Variants in CAMTA1 observed in about 807,000 individuals in gnomAD.
CAMTA1 encodes the protein calmodulin binding transcription activator 1.
CAMTA1 carries 27 observed loss-of-function variants against 170.9 expected under a neutral mutation model. The ratio of observed to expected loss-of-function variants is 0.16; its 90% confidence interval spans 0.12 to 0.22. CAMTA1 has a LOEUF of 0.22. CAMTA1 is among the 10% of genes least tolerant of loss of function. The probability of loss-of-function intolerance (pLI) is 1.00; values close to 1 mark genes in which losing one functional copy is unlikely to be tolerated. For synonymous variants in CAMTA1, 833 were observed against 891.5 expected (o/e 0.93, Z 1.17); for missense variants, 1,619 against 2,217.2 (o/e 0.73, Z 5.42).
rs61387662 is a variant in CAMTA1 at position 7,370,914 on chromosome 1, C to CTTTTTTTTTT, written c.439-96910_439-96901dup. On this transcript the variant is annotated intron_variant, in intron 5 of 22. Coordinates refer to ENST00000303635, the MANE Select transcript of CAMTA1 (RefSeq NM_015215.4). Reference sequence around the variant, plus strand: ...TATGGCACTTTCTTTTTCTTTCTTTCTTTTTTTTTTTTTTTGAGACGGAGT... The same window carrying CTTTTTTTTTT: ...TATGGCACTTTCTTTTTCTTTCTTTCTTTTTTTTTTTTTTTTTTTTTTTTTGAGACGGAGT... Among the ~76,000 whole-genome samples the CTTTTTTTTTT allele has an allele frequency of 4.2e-3, 461 of 109,936 alleles. 9 individuals carry two copies. Among genetic ancestry groups the CTTTTTTTTTT allele is most frequent in the Middle Eastern group, 0.011 (2 of 176 alleles). The allele number at this position is 109,936 out of a possible 152,430, so 72.1% of individuals were successfully genotyped here.
intron 4 of CAMTA1, among the ~76,000 whole-genome samples, chr1:7,244,719 C>T (rs1259055328): frequency 2.0e-5 from 3 of 150,584 alleles, no homozygotes; most frequent in Middle Eastern, 3.4e-3. Flanking sequence ...GGAAGGGGAA[C>T]AGCACACACT....
chr1:6,995,295 CTTTTTTTTTT>C (rs765139922), intron 3 of CAMTA1, among the ~76,000 whole-genome samples: 6 of 60,622 alleles, frequency 9.9e-5, no homozygotes, highest in South Asian at 7.9e-4. Flanking sequence ...TTTTTCTTTT[CTTTTTTTTTT>C]TTTTTTTTTT....
chr1:7,254,664 A>AT (rs1667101664), intron 5 of CAMTA1, among the ~76,000 whole-genome samples: 1 of 120,102 alleles, frequency 8.3e-6, no homozygotes, highest in African/African-American at 5.7e-5. Flanking sequence ...GGCCACATAT[A>AT]AAAAAAAAAG....
intron 6 of CAMTA1, among the ~76,000 whole-genome samples, chr1:7,526,133 C>T (rs1475441052): frequency 2.0e-5 from 3 of 152,148 alleles, no homozygotes; most frequent in African/African-American, 7.2e-5. Flanking sequence ...GGGAAGGCTT[C>T]CCAGGGAGGA....
At chr1:7,084,166 T>C (rs912047103) in intron 3 of CAMTA1, among the ~76,000 whole-genome samples, 1 of 151,680 alleles carries the variant, frequency 6.6e-6, no homozygotes, top group Non-Finnish European at 1.5e-5. Flanking sequence ...TATAAATACA[T>C]ATATATATAT....
chr1:6,970,625 G>C lies in CAMTA1; in HGVS notation c.235-120679G>C, dbSNP rs550892754. Among the ~76,000 whole-genome samples, 1 of 152,316 alleles carries C rather than the reference G, an allele frequency of 6.6e-6. No individual in the cohort carries two copies. Among genetic ancestry groups the C allele is most frequent in the East Asian group, 1.9e-4 (1 of 5,182 alleles). ...CCACAGAACTGATGTTGGGATGGGA[G>C]AGACAAGCAGGCAATAGTTAGGAAT... is the stretch of plus-strand genomic sequence containing the variant. On this transcript the variant is annotated intron_variant, in intron 3 of 22. Coordinates refer to ENST00000303635, the MANE Select transcript of CAMTA1 (RefSeq NM_015215.4). This position sits in a 1 kb window ranked among gnomAD's most constrained non-coding sequence, Gnocchi z 4.4.
chr1:7,130,956 T>C (rs539600546), intron 4 of CAMTA1, among the ~76,000 whole-genome samples: 1 of 151,984 alleles, frequency 6.6e-6, no homozygotes, highest in Admixed American at 6.5e-5. Context: ...TTGCCTTTTC[T>C]TTTCTTTTTT....
rs576179527 is a variant in CAMTA1 at position 7,331,638 on chromosome 1, C to T, written c.438+82012C>T. Among the ~76,000 whole-genome samples the T allele has an allele frequency of 4.6e-5, 7 of 152,296 alleles. No homozygotes were observed. In the South Asian group the frequency reaches 1.5e-3, roughly 32 times the overall value. ...TTATTATGAGCAGGGTCTAGAACCC[C>T]CTGGCCATGCTTTGAGAACCTCTGC... On this transcript the variant is annotated intron_variant, in intron 5 of 22. Transcript: ENST00000303635.
chr1:6,845,712 A>G (rs1022938200), intron 3 of CAMTA1, among the ~76,000 whole-genome samples: 1 of 152,226 alleles, frequency 6.6e-6, no homozygotes, highest in East Asian at 1.9e-4. Context: ...GTTACTCTAC[A>G]CTGCTATTCT....
chr1:7,006,692 C>T (rs1699046448), intron 3 of CAMTA1, among the ~76,000 whole-genome samples: 1 of 152,188 alleles, frequency 6.6e-6, no homozygotes, highest in East Asian at 1.9e-4. Flanking sequence ...CTCCATTCAT[C>T]CTTCCCGGAG....
At chr1:7,464,354 C>T (rs565867471) in intron 5 of CAMTA1, among the ~76,000 whole-genome samples, 4 of 152,314 alleles carry the variant, frequency 2.6e-5, no homozygotes, top group East Asian at 1.9e-4. Flanking sequence ...GATCAAAAAG[C>T]GCCAGGAGTT....
intron 6 of CAMTA1, among the ~76,000 whole-genome samples, chr1:7,525,101 A>T (rs1445537987): frequency 2.0e-5 from 3 of 152,144 alleles, no homozygotes; most frequent in Non-Finnish European, 4.4e-5. Flanking sequence ...GCGCTGCATG[A>T]GACTTGCATC....
chr1:6,829,031 G>A (rs1648566496), intron 3 of CAMTA1, among the ~76,000 whole-genome samples: 1 of 151,680 alleles, frequency 6.6e-6, no homozygotes, highest in Admixed American at 6.6e-5. Flanking sequence ...TGGGTGGCTG[G>A]GATTACAGGC....
At chr1:7,695,133 T>C (rs535372925) in intron 11 of CAMTA1, among the ~76,000 whole-genome samples, 4 of 152,296 alleles carry the variant, frequency 2.6e-5, no homozygotes, top group Admixed American at 2.6e-4. Context: ...GTACAGGGCC[T>C]GCACAGAGGT....
intron 10 of CAMTA1, among the ~76,000 whole-genome samples, chr1:7,675,178 G>A (rs555557411): frequency 6.6e-6 from 1 of 152,320 alleles, no homozygotes; most frequent in African/African-American, 2.4e-5. Context: ...GGTAGGGGAA[G>A]TGCAAAGGCC....
At chr1:6,954,437 C>T (rs969454088) in intron 3 of CAMTA1, among the ~76,000 whole-genome samples, 2 of 152,222 alleles carry the variant, frequency 1.3e-5, no homozygotes, top group South Asian at 2.1e-4. Flanking sequence ...CTTTGTCCCA[C>T]GAGTTCCAGT....
chr1:7,603,296 C>G (rs1291155163), intron 6 of CAMTA1, among the ~76,000 whole-genome samples: 1 of 152,158 alleles, frequency 6.6e-6, no homozygotes, highest in Non-Finnish European at 1.5e-5. Flanking sequence ...TAAAGTCTCC[C>G]ATTATTATTG....
In CAMTA1 at chr1:7,678,362, C is replaced by T. The variant is rs72853811; in HGVS notation, c.2914+629C>T. On this transcript the variant is annotated intron_variant, in intron 11 of 22. Transcript: ENST00000303635. ...GGCGTCTGTGGCAAGCCCAGGATCA[C>T]GACTGTGGCAGAGGGTAGAGTGTCA... 9.2e-3 allele frequency among the ~76,000 whole-genome samples: 1,400 copies of T among 152,318 alleles called. 25 individuals carry two copies. Among genetic ancestry groups the T allele is most frequent in the African/African-American group, 0.032 (1,343 of 41,568 alleles).
chr1:6,801,458 AGTCCTGCCACT>A (rs1326065492), intron 1 of CAMTA1, among the ~76,000 whole-genome samples: 1 of 152,150 alleles, frequency 6.6e-6, no homozygotes, highest in Non-Finnish European at 1.5e-5. Context: ...GTCCTGCCAC[AGTCCTGCCACT>A]GATGAGGCTC....
Sources: allele counts gnomAD v4.1 joint callset (sites outside exome capture counted in the v4.1 genomes callset), GRCh38; gene constraint gnomAD v4.1.1; non-coding constraint Gnocchi (gnomAD v3.1); transcripts MANE v1.5; gene names NCBI Gene and HGNC (gene_info 2026-07-23, HGNC 2026-07-21).